NR3C2: variants seen among roughly 807,000 people sequenced by gnomAD.
NR3C2 encodes the protein nuclear receptor subfamily 3 group C member 2, also known as mineralocorticoid receptor.
A neutral mutation model predicts 86.4 loss-of-function variants in NR3C2; 15 were observed. That is an observed-to-expected ratio of 0.17 (90% CI 0.12 to 0.27). The LOEUF (loss-of-function observed/expected upper bound fraction) is 0.27, where lower values mean the gene tolerates loss of function less well. NR3C2 is among the 10% of genes least tolerant of loss of function. The pLI is 1.00. For missense variants in NR3C2, 960 were observed against 1,195.6 expected, an observed-to-expected ratio of 0.80 and a Z score of 2.91; for synonymous variants, 458 against 450.5, an observed-to-expected ratio of 1.02 and a Z score of -0.21.
chr4:148,115,454 G>A (rs1732231498), intron 7 of NR3C2, among the ~76,000 whole-genome samples: 1 of 151,980 alleles, frequency 6.6e-6, no homozygotes, highest in Non-Finnish European at 1.5e-5. Context: ...ATTCACCTTG[G>A]GATATTAACA....
At chr4:148,117,614 A>G (rs975191237) in intron 7 of NR3C2, among the ~76,000 whole-genome samples, 4 of 152,344 alleles carry the variant, frequency 2.6e-5, no homozygotes, top group Non-Finnish European at 4.4e-5. Flanking sequence ...TAATATATGG[A>G]AAAACACTTT....
At chr4:148,401,510 C>T (rs982302331) in intron 2 of NR3C2, among the ~76,000 whole-genome samples, 3 of 137,502 alleles carry the variant, frequency 2.2e-5, no homozygotes, top group African/African-American at 8.1e-5. Flanking sequence ...GTTGCCCAGG[C>T]TGGAGTGCAG....
intron 1 of NR3C2, among the ~76,000 whole-genome samples, chr4:148,440,429 T>C (rs552486464): frequency 3.9e-5 from 6 of 152,368 alleles, no homozygotes; most frequent in South Asian, 4.1e-4. Context: ...ATGATCCTCA[T>C]AGAACTTAAT....
intron 2 of NR3C2, among the ~76,000 whole-genome samples, chr4:148,283,359 A>G (rs1331933850): frequency 6.6e-6 from 1 of 152,272 alleles, no homozygotes; most frequent in Non-Finnish European, 1.5e-5. Flanking sequence ...AATAAATGAT[A>G]CCCAGTTACA....
chr4:148,194,728 TAAAA>T lies in NR3C2; in HGVS notation c.2014+14_2014+17del. 1 of 1,550,874 alleles carries T rather than the reference TAAAA, an allele frequency of 6.4e-7. No individual in the cohort carries two copies. The highest frequency in any genetic ancestry group is 2.2e-5 in the East Asian group (1 of 44,488). On this transcript the variant is annotated intron_variant, in intron 4 of 8. Transcript: ENST00000358102. Reference sequence around the variant, plus strand: ...TACCTATTAACAATTTTTATTAAACTAAAAATACAAAACTTACCTCCTAAATTCA... The same window carrying T: ...TACCTATTAACAATTTTTATTAAACTATACAAAACTTACCTCCTAAATTCA...
intron 3 of NR3C2, among the ~76,000 whole-genome samples, chr4:148,246,524 A>T (rs756855600): frequency 3.9e-5 from 6 of 152,128 alleles, no homozygotes; most frequent in Non-Finnish European, 5.9e-5. Flanking sequence ...CCTAATCAGA[A>T]ATGTTAGGAG....
intron 5 of NR3C2, among the ~76,000 whole-genome samples, chr4:148,153,121 G>C (rs1734180504): frequency 6.6e-6 from 1 of 152,128 alleles, no homozygotes; most frequent in African/African-American, 2.4e-5. Flanking sequence ...TTCTATGGTA[G>C]AACATGTTTC....
chr4:148,382,549 AGTG>A (rs2126451825), intron 2 of NR3C2, among the ~76,000 whole-genome samples: 1 of 152,326 alleles, frequency 6.6e-6, no homozygotes, highest in East Asian at 1.9e-4. Flanking sequence ...CAAGTAACTC[AGTG>A]GGAGTTATGA....
intron 4 of NR3C2, among the ~76,000 whole-genome samples, chr4:148,182,265 A>G (rs951970267): frequency 1.3e-5 from 2 of 152,338 alleles, no homozygotes; most frequent in African/African-American, 4.8e-5. Context: ...TAAACTTCAC[A>G]TTCTCTTTTT....
rs1730474625 is a variant in NR3C2, at chr4:148,080,093, G to A, written c.*1251C>T. 6.6e-6 allele frequency: 1 copy of A among 152,170 alleles called. No homozygotes were observed. Among genetic ancestry groups the A allele is most frequent in the Non-Finnish European group, 1.5e-5 (1 of 68,028 alleles). 9.4% of individuals were successfully genotyped at this position (152,170 alleles called of 1,614,324 possible). ...TGCTTCTAGAGGAAAAGGGAAACGAGGCAGCTTTCCCAAAGCTGCAGCACT... is the reference window on the plus strand; with the variant it reads ...TGCTTCTAGAGGAAAAGGGAAACGAAGCAGCTTTCCCAAAGCTGCAGCACT... On this transcript the variant is annotated 3_prime_UTR_variant, in exon 9 of 9. Coordinates refer to ENST00000358102, the MANE Select transcript of NR3C2 (RefSeq NM_000901.5).
chr4:148,409,212 A>G lies in NR3C2; in HGVS notation c.1757+25892T>C, dbSNP rs76253338. Among the ~76,000 whole-genome samples, 668 of 152,304 alleles carry G rather than the reference A, an allele frequency of 4.4e-3. 1 individual carries two copies. The highest frequency in any genetic ancestry group is 0.015 in the African/African-American group (640 of 41,580). The stretch of plus-strand genomic sequence containing the variant: ...GGAGAATATGTGCATTCTCATTTAT[A>G]AAAGCAAACTATTCTAAAAATTTTG... On this transcript the variant is annotated intron_variant, in intron 2 of 8. Coordinates refer to ENST00000358102, the MANE Select transcript of NR3C2 (RefSeq NM_000901.5).
chr4:148,100,425 G>A (rs9997336), intron 8 of NR3C2, among the ~76,000 whole-genome samples: 64,039 of 152,000 alleles, frequency 0.42, 14,047 homozygotes, highest in East Asian at 0.67. Context: ...CTTGAAAGAC[G>A]TTTCTTCAAA....
At chr4:148,278,904 T>C (rs144385152) in intron 2 of NR3C2, among the ~76,000 whole-genome samples, 3,865 of 150,920 alleles carry the variant, frequency 0.026, 63 homozygotes, top group South Asian at 0.042. Flanking sequence ...GGCTCATACC[T>C]GTAATCCCAG....
chr4:148,252,105 C>T (rs1739606201), intron 3 of NR3C2, among the ~76,000 whole-genome samples: 2 of 152,106 alleles, frequency 1.3e-5, no homozygotes, highest in Admixed American at 1.3e-4. Flanking sequence ...GTGGATGGAT[C>T]TCTAAAATGA....
At position 148,193,016 on chromosome 4, in the gene NR3C2, TTG is replaced by T. The variant is rs577592992; in HGVS notation, c.2014+1728_2014+1729del. ...AAGGAGGCTTCTCACCCTGTTCAAA[TTG>T]TTACAAAGTTCAGCTAGAGAATTCC... is the stretch of plus-strand genomic sequence containing the variant. On this transcript the variant is annotated intron_variant, in intron 4 of 8. Transcript: ENST00000358102. 7.2e-5 allele frequency among the ~76,000 whole-genome samples: 11 copies of T among 152,326 alleles called. No individual in the cohort carries two copies. In the East Asian group the frequency reaches 2.1e-3, roughly 29 times the overall value.
chr4:148,143,783 T>A (rs894441026), intron 6 of NR3C2, among the ~76,000 whole-genome samples: 1 of 151,338 alleles, frequency 6.6e-6, no homozygotes, highest in African/African-American at 2.4e-5. Flanking sequence ...CCATCTCTAC[T>A]AAAAAAATAC....
intron 2 of NR3C2, among the ~76,000 whole-genome samples, chr4:148,329,117 C>G (rs750373999): frequency 6.6e-6 from 1 of 152,106 alleles, no homozygotes; most frequent in Non-Finnish European, 1.5e-5. Context: ...TGAAACCAGC[C>G]TGAGTGTGAG....
At chr4:148,354,308 CAT>C (rs1161070780) in intron 2 of NR3C2, among the ~76,000 whole-genome samples, 1 of 152,024 alleles carries the variant, frequency 6.6e-6, no homozygotes, top group Non-Finnish European at 1.5e-5. Context: ...TATATATAAA[CAT>C]ATAAAATATG....
upstream of NR3C2, chr4:148,444,216 G>A (rs947865651): frequency 5.0e-5 from 48 of 967,350 alleles, no homozygotes; most frequent in Admixed American, 6.5e-5. Flanking sequence ...ATTATTAAAG[G>A]AATGGACGTG....
Sources: gnomAD v4.1 joint callset for allele counts (sites outside exome capture counted in the v4.1 genomes callset) on GRCh38, gnomAD v4.1.1 for gene constraint, MANE v1.5 for transcripts, NCBI Gene and HGNC (gene_info 2026-07-23, HGNC 2026-07-21) for gene names.